The following NYAP2 variants were observed in gnomAD, a reference collection of about 807,000 sequenced individuals.
The protein encoded by NYAP2 is neuronal tyrosine-phosphorylated phosphoinositide-3-kinase adaptor 2.
A neutral mutation model predicts 50.4 loss-of-function variants in NYAP2; 23 were observed. The ratio of observed to expected loss-of-function variants is 0.46; its 90% confidence interval spans 0.33 to 0.65. NYAP2 has a LOEUF of 0.65. Among genes scored for constraint, NYAP2 ranks in the 30% least tolerant of loss-of-function variants. The probability of loss-of-function intolerance (pLI) is 0.02; values close to 1 mark genes in which losing one functional copy is unlikely to be tolerated. For synonymous variants in NYAP2, 394 were observed against 365.2 expected, an observed-to-expected ratio of 1.08 and a Z score of -0.90; for missense variants, 885 against 861.0, an observed-to-expected ratio of 1.03 and a Z score of -0.35.
rs948958896 is a variant in NYAP2 at position 225,408,781 on chromosome 2, G to C, written c.-17-83G>C. ...ATCGGATTTGGCCATAATTATTGGA[G>C]TTTTGAGTTGTTAGGGATAATAAAC... is the stretch of plus-strand genomic sequence containing the variant. On this transcript the variant is annotated intron_variant, in intron 2 of 6. Coordinates refer to ENST00000636099, the Ensembl canonical transcript of NYAP2. 7.2e-6 allele frequency: 5 copies of C among 699,004 alleles called. No individual in the cohort carries two copies. The Admixed American group carries it at 7.6e-5, about 11-fold the overall frequency. The allele number at this position is 699,004 out of a possible 1,614,324, so 43.3% of individuals were successfully genotyped here. A position where few individuals can be genotyped will look rare whatever the true frequency, so the allele number is the denominator to read the frequency against.
At chr2:225,606,688 A>T (rs751404563) in intron 5 of NYAP2, among the ~76,000 whole-genome samples, 48 of 152,160 alleles carry the variant, frequency 3.2e-4, no homozygotes, top group Non-Finnish European at 5.3e-4. Flanking sequence ...AGGAAAAGTT[A>T]ATTTGAATTC....
chr2:225,575,213 T>G (rs1692150827), intron 4 of NYAP2, among the ~76,000 whole-genome samples: 1 of 152,104 alleles, frequency 6.6e-6, no homozygotes, highest in Admixed American at 6.5e-5. Flanking sequence ...TTTTCCAGCC[T>G]CCAATATCAA....
intron 3 of NYAP2, among the ~76,000 whole-genome samples, chr2:225,445,178 G>A (rs1156529910): frequency 6.6e-6 from 1 of 152,010 alleles, no homozygotes; most frequent in Non-Finnish European, 1.5e-5. Flanking sequence ...ACTACAAAAT[G>A]TTGACTTATT....
At chr2:225,615,370 A>T (rs1338932954) in intron 5 of NYAP2, among the ~76,000 whole-genome samples, 1 of 152,178 alleles carries the variant, frequency 6.6e-6, no homozygotes, top group Non-Finnish European at 1.5e-5. Flanking sequence ...TCTACTATTA[A>T]TGAGGGATGT....
chr2:225,636,951 T>C (rs547040499), intron 6 of NYAP2, among the ~76,000 whole-genome samples: 4 of 152,138 alleles, frequency 2.6e-5, no homozygotes, highest in Non-Finnish European at 5.9e-5. Flanking sequence ...AGAAGACCCA[T>C]AGACTCATGA....
Position 225,562,599 on chromosome 2 carries a change from A to G in NYAP2, c.524-19342A>G, listed in dbSNP as rs1294968249. On this transcript the variant is annotated intron_variant, in intron 4 of 6. Transcript: ENST00000636099. ...TCTTCCCTGCCTGGGTTTTTGTGCT[A>G]TTTGAAAAGCATTGTAAGGGCAAAT... is the stretch of plus-strand genomic sequence containing the variant. Among the ~76,000 whole-genome samples the G allele has an allele frequency of 3.3e-5, 5 of 152,074 alleles. 1 individual carries two copies. The highest frequency in any genetic ancestry group is 2.6e-4 in the Admixed American group (4 of 15,250).
At chr2:225,419,011 C>G in intron 3 of NYAP2, among the ~76,000 whole-genome samples, 1 of 152,172 alleles carries the variant, frequency 6.6e-6, no homozygotes, top group East Asian at 1.9e-4. Flanking sequence ...ACTTTACACT[C>G]ATTAAATAGC....
the NYAP2 span, among the ~76,000 whole-genome samples, chr2:225,664,860 G>A: frequency 6.6e-6 from 1 of 152,060 alleles, no homozygotes; most frequent in Admixed American, 6.6e-5. Context: ...GCGACAGAGC[G>A]AGAGTCCATC....
intron 5 of NYAP2, among the ~76,000 whole-genome samples, chr2:225,596,650 A>G (rs1013972413): frequency 6.6e-6 from 1 of 152,202 alleles, no homozygotes; most frequent in Non-Finnish European, 1.5e-5. Context: ...TAGAATTGCC[A>G]TGATTAACCA....
intron 3 of NYAP2, among the ~76,000 whole-genome samples, chr2:225,430,075 A>G (rs1308695881): frequency 6.6e-5 from 10 of 152,056 alleles, no homozygotes; most frequent in African/African-American, 1.9e-4. Context: ...CTATTCACTC[A>G]TATTTATCTC....
At chr2:225,435,169 A>C in intron 3 of NYAP2, among the ~76,000 whole-genome samples, 1 of 152,142 alleles carries the variant, frequency 6.6e-6, no homozygotes, top group Admixed American at 6.5e-5. Context: ...TATATCCCAG[A>C]CAGTTGCTAT....
intron 3 of NYAP2, among the ~76,000 whole-genome samples, chr2:225,492,669 G>C (rs1346447102): frequency 2.0e-5 from 3 of 152,144 alleles, no homozygotes; most frequent in Non-Finnish European, 4.4e-5. Flanking sequence ...TTGACTTCTG[G>C]AGAGGCCTCA....
intron 3 of NYAP2, among the ~76,000 whole-genome samples, chr2:225,422,859 C>G (rs896228440): frequency 3.9e-4 from 60 of 152,164 alleles, no homozygotes; most frequent in East Asian, 1.9e-4. Context: ...GTGAACGATT[C>G]TTTTTAATGA....
At chr2:225,571,787 T>A (rs1446499830) in intron 4 of NYAP2, among the ~76,000 whole-genome samples, 3 of 152,232 alleles carry the variant, frequency 2.0e-5, no homozygotes, top group Admixed American at 6.5e-5. Flanking sequence ...CCTTGTTACT[T>A]ATGCAAATTT....
intron 4 of NYAP2, among the ~76,000 whole-genome samples, chr2:225,529,416 T>C (rs1691212022): frequency 6.6e-6 from 1 of 152,088 alleles, no homozygotes; most frequent in South Asian, 2.1e-4. Flanking sequence ...AGCCTCTGCC[T>C]CCCAGGTTGA....
At chr2:225,646,844 C>T (rs1284935353) in intron 6 of NYAP2, among the ~76,000 whole-genome samples, 1 of 152,068 alleles carries the variant, frequency 6.6e-6, no homozygotes, top group Non-Finnish European at 1.5e-5. Context: ...CTTGATGAAC[C>T]TAGACATGAT....
At chr2:225,462,881 C>T (rs755051104) in intron 3 of NYAP2, among the ~76,000 whole-genome samples, 1 of 151,994 alleles carries the variant, frequency 6.6e-6, no homozygotes, top group Non-Finnish European at 1.5e-5. Flanking sequence ...TTGTTTAGTC[C>T]GGATAATCTT....
At chr2:225,446,708 C>A (rs1689570621) in intron 3 of NYAP2, among the ~76,000 whole-genome samples, 6 of 152,006 alleles carry the variant, frequency 3.9e-5, no homozygotes, top group Admixed American at 3.9e-4. Context: ...AACAGTGTAA[C>A]TTCAAAGCAA....
chr2:225,399,408 G>T (rs1458881043), upstream of NYAP2, among the ~76,000 whole-genome samples: 1 of 151,928 alleles, frequency 6.6e-6, no homozygotes, highest in African/African-American at 2.4e-5. Context: ...ATTCAGTAGA[G>T]TATTAAGAAC....
Sources: gnomAD v4.1 joint callset for allele counts (sites outside exome capture counted in the v4.1 genomes callset) on GRCh38, gnomAD v4.1.1 for gene constraint, MANE v1.5 for transcripts, NCBI Gene and HGNC (gene_info 2026-07-23, HGNC 2026-07-21) for gene names.